NBAS: variants seen among roughly 807,000 people sequenced by gnomAD.
The protein encoded by NBAS is NBAS subunit of NRZ tethering complex.
Under a neutral mutation model 302.5 loss-of-function variants are expected in NBAS, and 219 were observed. That is an observed-to-expected ratio of 0.72 (90% CI 0.65 to 0.81). The LOEUF (loss-of-function observed/expected upper bound fraction) is 0.81. Among genes scored for constraint, NBAS ranks in the 30% least tolerant of loss-of-function variants. The pLI is 0.00. For missense variants in NBAS, 2,932 were observed against 2,841.6 expected, an observed-to-expected ratio of 1.03 and a Z score of -0.72; for synonymous variants, 1,118 against 1,021.6, an observed-to-expected ratio of 1.09 and a Z score of -1.80.
At chr2:15,166,667 C>T (rs1043874514), downstream of NBAS, among the ~76,000 whole-genome samples, 1 of 152,146 alleles carries the variant, frequency 6.6e-6, no homozygotes, top group African/African-American at 2.4e-5. Context: ...CTCCCTCCAC[C>T]CATGACACCT....
the NBAS span, among the ~76,000 whole-genome samples, chr2:15,066,644 C>T: frequency 3.3e-5 from 5 of 152,046 alleles, no homozygotes; most frequent in Non-Finnish European, 5.9e-5. Flanking sequence ...CAAATCAAAA[C>T]CACAATAAGA....
At chr2:14,879,410 C>A in the NBAS span, among the ~76,000 whole-genome samples, 1 of 152,178 alleles carries the variant, frequency 6.6e-6, no homozygotes, top group Non-Finnish European at 1.5e-5. Context: ...GGTAGACAAA[C>A]AAGTTCAATT....
At chr2:15,361,689 C>T (rs1315400703) in intron 32 of NBAS, among the ~76,000 whole-genome samples, 1 of 151,742 alleles carries the variant, frequency 6.6e-6, no homozygotes, top group East Asian at 1.9e-4. Context: ...TTAATATTTC[C>T]AGGAAATGGC....
the NBAS span, among the ~76,000 whole-genome samples, chr2:14,869,150 T>C: frequency 1.3e-5 from 2 of 152,218 alleles, no homozygotes; most frequent in African/African-American, 4.8e-5. Flanking sequence ...GCTATTGTTA[T>C]TGCCTCCCAA....
At chr2:15,210,824 CA>C (rs947505640) in intron 48 of NBAS, among the ~76,000 whole-genome samples, 2 of 152,130 alleles carry the variant, frequency 1.3e-5, no homozygotes, top group East Asian at 3.9e-4. Flanking sequence ...TCTGCAACAA[CA>C]CAGATGGAAC....
At chr2:15,327,088 T>A (rs1251173241) in intron 38 of NBAS, among the ~76,000 whole-genome samples, 1 of 151,992 alleles carries the variant, frequency 6.6e-6, no homozygotes, top group Non-Finnish European at 1.5e-5. Flanking sequence ...AAGTGCAAGC[T>A]GTGGATAGGA....
At chr2:15,052,967 GAA>G in the NBAS span, among the ~76,000 whole-genome samples, 1 of 152,054 alleles carries the variant, frequency 6.6e-6, no homozygotes, top group East Asian at 1.9e-4. Flanking sequence ...GTACAGGAGA[GAA>G]AGGAAAAACA....
At chr2:15,491,026 C>T (rs1246683945) in intron 11 of NBAS, among the ~76,000 whole-genome samples, 1 of 152,132 alleles carries the variant, frequency 6.6e-6, no homozygotes, top group African/African-American at 2.4e-5. Context: ...AGCAATATGA[C>T]CGAAAGCACT....
the NBAS span, among the ~76,000 whole-genome samples, chr2:14,930,653 G>A: frequency 2.8e-4 from 43 of 152,302 alleles, no homozygotes; most frequent in Middle Eastern, 3.4e-3. Context: ...CATGCCCATG[G>A]CTTCTGAGTG....
the NBAS span, among the ~76,000 whole-genome samples, chr2:14,988,817 T>C: frequency 3.3e-5 from 5 of 152,264 alleles, no homozygotes; most frequent in South Asian, 1.0e-3. Flanking sequence ...CTAAAACTGA[T>C]AAACCCCTAG....
In NBAS at chr2:15,379,736, T is replaced by C; in HGVS notation, c.3456A>G (p.Pro1152=). 19 of 1,614,064 alleles carry C rather than the reference T, an allele frequency of 1.2e-5. No homozygotes were observed. Among genetic ancestry groups the C allele is most frequent in the Non-Finnish European group, 1.5e-5 (18 of 1,179,982 alleles). ...MHCSACSENP[P]AGIAHKGKPH... is the part of the protein sequence containing the mutation. ...GTTTCCCTTTATGGGCTATACCAGC[T>C]GGAGGATTTTCTGAACAAGCACTGC... The change falls in exon 30 of 52, where the codon CCA becomes CCG. Residue 1152 remains proline, a synonymous_variant. Coordinates refer to ENST00000281513, the MANE Select transcript of NBAS (RefSeq NM_015909.4).
In NBAS at chr2:15,217,033, T is replaced by G. The variant is rs148563253; in HGVS notation, c.6432+1740A>C. Among the ~76,000 whole-genome samples, 280 of 152,370 alleles carry G rather than the reference T, an allele frequency of 1.8e-3. 2 individuals are homozygous for G. The highest frequency in any genetic ancestry group is 6.3e-3 in the African/African-American group (260 of 41,594). ...CCTAATTTAGGGTTTTCCCCAGGGATGCCACATGAACCTTCATGTTTGCTG... is the reference window on the plus strand; with the variant it reads ...CCTAATTTAGGGTTTTCCCCAGGGAGGCCACATGAACCTTCATGTTTGCTG... On this transcript the variant is annotated intron_variant, in intron 48 of 51. Transcript: ENST00000281513.
At chr2:15,255,854 G>A (rs1032885803) in intron 44 of NBAS, among the ~76,000 whole-genome samples, 1 of 152,094 alleles carries the variant, frequency 6.6e-6, no homozygotes, top group Non-Finnish European at 1.5e-5. Flanking sequence ...AAGATCAGTT[G>A]GCTGTAAGTA....
At chr2:15,005,400 T>G in the NBAS span, among the ~76,000 whole-genome samples, 1 of 152,234 alleles carries the variant, frequency 6.6e-6, no homozygotes, top group African/African-American at 2.4e-5. Flanking sequence ...GAAGAGCGAT[T>G]CATTTAGTTA....
At chr2:15,488,806 G>A in intron 12 of NBAS, 88 bp downstream of exon 12, 1 of 1,505,746 alleles carries the variant, frequency 6.6e-7, no homozygotes, top group South Asian at 1.1e-5. Flanking sequence ...AAACAGCTGT[G>A]TACTATAGTA....
At chr2:14,912,784 G>C in the NBAS span, among the ~76,000 whole-genome samples, 1 of 151,214 alleles carries the variant, frequency 6.6e-6, no homozygotes, top group African/African-American at 2.4e-5. Context: ...CTGTTACAAG[G>C]GAATTTTTAC....
intron 28 of NBAS, among the ~76,000 whole-genome samples, chr2:15,390,243 C>T (rs1009590206): frequency 9.2e-5 from 14 of 152,200 alleles, no homozygotes; most frequent in African/African-American, 1.7e-4. Flanking sequence ...GGAGCTCTTC[C>T]TCCATCCCAA....
the NBAS span, among the ~76,000 whole-genome samples, chr2:14,991,279 A>ATT: frequency 2.6e-5 from 4 of 151,516 alleles, no homozygotes; most frequent in Non-Finnish European, 5.9e-5. Context: ...TATAATTTAA[A>ATT]AAAAAAACCC....
Position 15,287,185 on chromosome 2 carries a change from T to C in NBAS, c.5028-2A>G, listed in dbSNP as rs1205813103. On this transcript the variant is annotated splice_acceptor_variant, in intron 41 of 51. Coordinates refer to ENST00000281513, the MANE Select transcript of NBAS (RefSeq NM_015909.4). LOFTEE classifies it high-confidence loss of function. ...CTGTAGACGCTTTCCTCTAGAGTTCTGCAGAAATGTCCATCAAGCCCAGGA... is the reference window on the plus strand; with the variant it reads ...CTGTAGACGCTTTCCTCTAGAGTTCCGCAGAAATGTCCATCAAGCCCAGGA... 3 of 1,609,642 alleles carry C rather than the reference T, an allele frequency of 1.9e-6. No homozygotes were observed. Among genetic ancestry groups the C allele is most frequent in the Non-Finnish European group, 2.6e-6 (3 of 1,176,110 alleles).
Sources: allele counts gnomAD v4.1 joint callset (sites outside exome capture counted in the v4.1 genomes callset), GRCh38; gene constraint gnomAD v4.1.1; transcripts MANE v1.5; gene names NCBI Gene and HGNC (gene_info 2026-07-23, HGNC 2026-07-21).